STAB2: variants seen among roughly 807,000 people sequenced by gnomAD.
STAB2 encodes the protein stabilin 2.
Under a neutral mutation model 338.1 loss-of-function variants are expected in STAB2, and 288 were observed. The ratio of observed to expected loss-of-function variants is 0.85; its 90% confidence interval spans 0.77 to 0.94. STAB2 has a LOEUF of 0.94. STAB2 is among the 40% of genes least tolerant of loss of function. STAB2 has a pLI of 0.00. For synonymous variants in STAB2, 1,202 were observed against 1,193.3 expected, an observed-to-expected ratio of 1.01 and a Z score of -0.15; for missense variants, 3,141 against 3,210.1, an observed-to-expected ratio of 0.98 and a Z score of 0.52.
At chr12:103,709,392 A>G (rs1879648685) in intron 39 of STAB2, among the ~76,000 whole-genome samples, 1 of 152,238 alleles carries the variant, frequency 6.6e-6, no homozygotes, top group Non-Finnish European at 1.5e-5. Flanking sequence ...CACTAAAGGC[A>G]ACAGGAAGCC....
intron 2 of STAB2, chr12:103,592,354 A>G (rs1274467975): frequency 6.6e-6 from 1 of 152,178 alleles, no homozygotes; most frequent in Non-Finnish European, 1.5e-5. Context: ...GTTCATTGCC[A>G]AGGTGGACAC....
At chr12:103,595,576 A>C (rs987380113) in intron 3 of STAB2, among the ~76,000 whole-genome samples, 4 of 152,144 alleles carry the variant, frequency 2.6e-5, no homozygotes, top group Non-Finnish European at 5.9e-5. Context: ...TGTGTTTTTA[A>C]CTAACGATTA....
intron 3 of STAB2, among the ~76,000 whole-genome samples, chr12:103,613,470 G>T (rs577355643): frequency 6.6e-6 from 1 of 152,168 alleles, no homozygotes; most frequent in Non-Finnish European, 1.5e-5. Context: ...CTCCGTGGAC[G>T]TAGGACCCTC....
chr12:103,689,010 G>GT (rs34793391), intron 28 of STAB2, among the ~76,000 whole-genome samples: 26 of 149,336 alleles, frequency 1.7e-4, no homozygotes, highest in South Asian at 6.3e-4. Context: ...AAGTCTTTTG[G>GT]TTTTTTTTTT....
Position 103,733,098 on chromosome 12 carries a change from T to C in STAB2, c.5376T>C (p.Ala1792=), listed in dbSNP as rs1453757395. The C allele has an allele frequency of 6.2e-7, 1 of 1,614,068 alleles. No homozygotes were observed. The highest frequency in any genetic ancestry group is 1.3e-5 in the African/African-American group (1 of 74,924). The change falls in exon 51 of 69, where the codon GCT becomes GCC. Residue 1792 remains alanine (A), a synonymous_variant. Coordinates refer to ENST00000388887, the MANE Select transcript of STAB2 (RefSeq NM_017564.10). ...PTDQALHALP[A]EQQDFLFNQD... ...ACCAAGCCCTCCATGCCCTACCTGC[T>C]GAACAACAGGACTTCCTGTTCAACC...
At chr12:103,616,076 G>T (rs937201100) in intron 3 of STAB2, among the ~76,000 whole-genome samples, 4 of 152,166 alleles carry the variant, frequency 2.6e-5, no homozygotes, top group African/African-American at 9.7e-5. Context: ...CACCCTTAGA[G>T]GAACACCTGC....
chr12:103,759,066 C>T, intron 64 of STAB2, 67 bp from the exon 65 acceptor site: 1 of 1,612,476 alleles, frequency 6.2e-7, no homozygotes, highest in Non-Finnish European at 8.5e-7. Context: ...TCGTCATCCC[C>T]ATCATTAAAA....
intron 1 of STAB2, 39 bp downstream of exon 1, chr12:103,587,596 G>A (rs753329256): frequency 4.1e-5 from 63 of 1,519,548 alleles, no homozygotes; most frequent in Non-Finnish European, 5.2e-5. Flanking sequence ...TTTGTTAATT[G>A]TCATGATATG....
chr12:103,681,077 G>A (rs917304554), intron 25 of STAB2, among the ~76,000 whole-genome samples: 1 of 152,164 alleles, frequency 6.6e-6, no homozygotes, highest in African/African-American at 2.4e-5. Context: ...CCCATGGTCT[G>A]GTTGTTCCAC....
chr12:103,648,663 G>A, intron 9 of STAB2, 27 bp from the exon 10 acceptor site: 4 of 1,609,786 alleles, frequency 2.5e-6, no homozygotes, highest in Non-Finnish European at 3.4e-6. Flanking sequence ...CTAAAACCCT[G>A]AGGATGTCTT....
rs971377583 is a variant in STAB2, at chr12:103,749,577, C to A, written c.6438+421C>A. 5.3e-5 allele frequency among the ~76,000 whole-genome samples: 8 copies of A among 151,868 alleles called. No individual in the cohort carries two copies. The East Asian group carries it at 1.4e-3, about 26-fold the overall frequency. ...GGGCACGGTGGCTCACGCCTGTAAT[C>A]CCAGTACTTTGGGAGGCCGAGGCAG... On this transcript the variant is annotated intron_variant, in intron 59 of 68. Coordinates refer to ENST00000388887, the MANE Select transcript of STAB2 (RefSeq NM_017564.10).
rs139075131 is a variant in STAB2, at chr12:103,731,003, G to A, written c.5224-573G>A. ...ATCAGATGCTTGCAGTGAGCTGAGG[G>A]CAGTGACCTGAGATCATGCTACTGC... On this transcript the variant is annotated intron_variant, in intron 49 of 68. Transcript: ENST00000388887. Among the ~76,000 whole-genome samples the A allele has an allele frequency of 8.2e-3, 1,247 of 152,280 alleles. 20 individuals carry two copies. Among genetic ancestry groups the A allele is most frequent in the African/African-American group, 0.029 (1,188 of 41,538 alleles).
At chr12:103,694,675 A>G (rs186106092) in intron 31 of STAB2, among the ~76,000 whole-genome samples, 56 of 152,292 alleles carry the variant, frequency 3.7e-4, no homozygotes, top group Admixed American at 1.8e-3. Context: ...CCTCAGTCAC[A>G]CTTGTATACC....
intron 65 of STAB2, among the ~76,000 whole-genome samples, chr12:103,759,812 G>A (rs917360721): frequency 2.0e-5 from 3 of 152,154 alleles, no homozygotes; most frequent in African/African-American, 7.2e-5. Context: ...ATAGACATAC[G>A]ATAAATAGGA....
rs767917089 is a variant in STAB2 at position 103,732,976 on chromosome 12, C to A, written c.5284-30C>A. 13 of 1,606,878 alleles carry A rather than the reference C, an allele frequency of 8.1e-6. No homozygotes were observed. The South Asian group carries it at 1.3e-4, about 16-fold the overall frequency. On this transcript the variant is annotated intron_variant, in intron 50 of 68. Coordinates refer to ENST00000388887, the MANE Select transcript of STAB2 (RefSeq NM_017564.10). ...CCCACATGTCTGGGCCTTGCTCAAG[C>A]CAGCAAGGGGCTGAATCCCTGTGTT...
At chr12:103,637,398 A>G (rs1349745599) in intron 7 of STAB2, among the ~76,000 whole-genome samples, 162 bp downstream of exon 7, 1 of 152,198 alleles carries the variant, frequency 6.6e-6, no homozygotes, top group East Asian at 1.9e-4. Flanking sequence ...ATGCTCAATA[A>G]ATGGCAGCTT....
chr12:103,704,806 A>G (rs1281490720), intron 36 of STAB2, 192 bp downstream of exon 36: 1 of 539,754 alleles, frequency 1.9e-6, no homozygotes, highest in Non-Finnish European at 3.2e-6. Flanking sequence ...GCAAAATTTA[A>G]TAAACATAAA....
chr12:103,674,237 T>C, intron 23 of STAB2, 150 bp downstream of exon 23: 1 of 965,584 alleles, frequency 1.0e-6, no homozygotes, highest in Middle Eastern at 3.3e-4. Context: ...AGTGTGGTGT[T>C]TGTGAAAAGA....
chr12:103,756,610 C>T (rs927062684), intron 63 of STAB2, among the ~76,000 whole-genome samples: 7 of 152,220 alleles, frequency 4.6e-5, no homozygotes, highest in Non-Finnish European at 1.0e-4. Flanking sequence ...TGGGCTCAAT[C>T]TCAGACTGCC....
Sources: allele counts gnomAD v4.1 joint callset (sites outside exome capture counted in the v4.1 genomes callset), GRCh38; gene constraint gnomAD v4.1.1; transcripts MANE v1.5; gene names NCBI Gene and HGNC (gene_info 2026-07-23, HGNC 2026-07-21).